The following POLR2J variants were observed in gnomAD, a reference collection of about 807,000 sequenced individuals.
POLR2J encodes RNA polymerase II subunit J.
In POLR2J, 12 loss-of-function variants were observed where a neutral mutation model predicts 13.4. The observed-to-expected ratio is 0.90, with a 90% CI of 0.57 to 1.45. The LOEUF is 1.45. Among genes scored for constraint, POLR2J ranks in the 40% most tolerant of loss-of-function variants. POLR2J has a pLI of 0.00. For synonymous variants in POLR2J, 31 were observed against 53.6 expected (o/e 0.58, Z 1.84); for missense variants, 58 against 132.0 (o/e 0.44, Z 2.75).
In POLR2J at chr7:102,473,606, G is replaced by A. The variant is rs772715314; in HGVS notation, c.*43C>T. ...ACCTGGAGCGGAGGGTCAGGCACAGGTAGGAACGGGGCTCACAGGCCGAGC... is the reference window on the plus strand; with the variant it reads ...ACCTGGAGCGGAGGGTCAGGCACAGATAGGAACGGGGCTCACAGGCCGAGC... On this transcript the variant is annotated 3_prime_UTR_variant, in exon 4 of 4. Coordinates refer to ENST00000292614, the MANE Select transcript of POLR2J (RefSeq NM_006234.6). The A allele has an allele frequency of 2.9e-5, 47 of 1,612,162 alleles. 1 individual carries two copies. Among genetic ancestry groups the A allele is most frequent in the East Asian group, 2.9e-4 (13 of 44,848 alleles).
Position 102,474,253 on chromosome 7 carries a change from C to T in POLR2J, c.318+108G>A, listed in dbSNP as rs540089468. 53 of 1,603,480 alleles carry T rather than the reference C, an allele frequency of 3.3e-5. No homozygotes were observed. In the East Asian group the frequency reaches 5.2e-4, roughly 16 times the overall value. ...GAAGTCCCTGCTCTTCCATCACTGC[C>T]GCCTCTCCCCCAGGACCTCCGAAGA... On this transcript the variant is annotated intron_variant, in intron 3 of 3. Coordinates refer to ENST00000292614, the MANE Select transcript of POLR2J (RefSeq NM_006234.6).
chr7:102,473,394 C>T lies in POLR2J; in HGVS notation c.*255G>A, dbSNP rs1131384. The T allele has an allele frequency of 0.065, 37,065 of 570,096 alleles. 1,360 individuals carry two copies. Among genetic ancestry groups the T allele is most frequent in the Non-Finnish European group, 0.076 (25,897 of 340,738 alleles). 35.3% of individuals were successfully genotyped at this position (570,096 alleles called of 1,614,324 possible). A position where few individuals can be genotyped will look rare whatever the true frequency, so the allele number is the denominator to read the frequency against. On this transcript the variant is annotated 3_prime_UTR_variant, in exon 4 of 4. Transcript: ENST00000292614. ...GGACGCCCCTGAAACAGGTCATCTG[C>T]CTGCATCAAGCCTGACAATCCATTT...
Position 102,473,492 on chromosome 7 carries a change from T to G in POLR2J, c.*157A>C. The G allele has an allele frequency of 2.2e-6, 2 of 911,468 alleles. No individual in the cohort carries two copies. The allele number at this position is 911,468 out of a possible 1,614,324, so 56.5% of individuals were successfully genotyped here. ...TATACTTTATTAGGAATATAAAACC[T>G]AATCTATGTACAGGACACGTCGGTG... On this transcript the variant is annotated 3_prime_UTR_variant, in exon 4 of 4. Coordinates refer to ENST00000292614, the MANE Select transcript of POLR2J (RefSeq NM_006234.6).
chr7:102,473,584 TGGAGC>T lies in POLR2J; in HGVS notation c.*60_*64del. On this transcript the variant is annotated 3_prime_UTR_variant, in exon 4 of 4. Coordinates refer to ENST00000292614, the MANE Select transcript of POLR2J (RefSeq NM_006234.6). The stretch of plus-strand genomic sequence containing the variant: ...CGGCCGCTCTCCTCGGTGTGGTACC[TGGAGC>T]GGAGGGTCAGGCACAGGTAGGAACG... The T allele has an allele frequency of 1.3e-6, 2 of 1,539,436 alleles. No individual in the cohort carries two copies. The highest frequency in any genetic ancestry group is 2.4e-5 in the South Asian group (2 of 84,034).
intron 1 of POLR2J, 24 bp from the exon 2 acceptor site, chr7:102,476,294 AT>A (rs1164037085): frequency 1.5e-6 from 1 of 669,016 alleles, no homozygotes; most frequent in African/African-American, 2.0e-5. Flanking sequence ...GAGGCCACAG[AT>A]GAGGAGCAGG....
At chr7:102,478,586 C>A (rs1180364263) in intron 1 of POLR2J, among the ~76,000 whole-genome samples, 1 of 151,420 alleles carries the variant, frequency 6.6e-6, no homozygotes, top group African/African-American at 2.4e-5. Flanking sequence ...CTTCCTGTGT[C>A]CGGGGCAACT....
At chr7:102,478,044 C>T (rs1798475661) in intron 1 of POLR2J, among the ~76,000 whole-genome samples, 1 of 87,356 alleles carries the variant, frequency 1.1e-5, no homozygotes, top group Admixed American at 1.5e-4. Flanking sequence ...AGTGCAATGG[C>T]GTGATCTCCG....
At chr7:102,473,713 AGCTGGAACAGCTGGGGCAAGGAC>A in intron 3 of POLR2J, 29 bp from the exon 4 acceptor site, 4 of 1,613,308 alleles carry the variant, frequency 2.5e-6, no homozygotes, top group Non-Finnish European at 2.5e-6. Flanking sequence ...GTGGAGACTG[AGCTGGAACAGCTGGGGCAAGGAC>A]GCTGGAAACA....
chr7:102,473,643 T>C lies in POLR2J; in HGVS notation c.*6A>G, dbSNP rs1131359. On this transcript the variant is annotated 3_prime_UTR_variant, in exon 4 of 4. Coordinates refer to ENST00000292614, the MANE Select transcript of POLR2J (RefSeq NM_006234.6). ...CTCACAGGCCGAGCAGAGCCCCCTC[T>C]GGCCCCTACTCAATTCCTTCCTGCT... 0.029 allele frequency: 45,939 copies of C among 1,600,934 alleles called. 843 individuals are homozygous for C. Among genetic ancestry groups the C allele is most frequent in the Middle Eastern group, 0.079 (479 of 6,036 alleles).
chr7:102,478,586 C>T (rs1180364263), intron 1 of POLR2J, among the ~76,000 whole-genome samples: 1 of 151,420 alleles, frequency 6.6e-6, no homozygotes, highest in East Asian at 2.0e-4. Context: ...CTTCCTGTGT[C>T]CGGGGCAACT....
Position 102,473,285 on chromosome 7 carries a change from C to T in POLR2J, c.*364G>A, listed in dbSNP as rs1325929109. 1 of 598,134 alleles carries T rather than the reference C, an allele frequency of 1.7e-6. No individual in the cohort carries two copies. The highest frequency in any genetic ancestry group is 2.3e-5 in the South Asian group (1 of 43,704). 37.1% of individuals were successfully genotyped at this position (598,134 alleles called of 1,614,324 possible). On this transcript the variant is annotated 3_prime_UTR_variant, in exon 4 of 4. Transcript: ENST00000292614. ...ACTCTTGGGAGCTCATGGGTTTGCA[C>T]ACTTCTCTCCGGCTCAGCACAGCCC...
At position 102,473,445 on chromosome 7, in the gene POLR2J, T is replaced by TCCACATCCAG. The variant is rs1311823284; in HGVS notation, c.*194_*203dup. 1 of 698,350 alleles carries TCCACATCCAG rather than the reference T, an allele frequency of 1.4e-6. No homozygotes were observed. The highest frequency in any genetic ancestry group is 2.2e-6 in the Non-Finnish European group (1 of 460,130). The allele number at this position is 698,350 out of a possible 1,614,324, so 43.3% of individuals were successfully genotyped here. On this transcript the variant is annotated 3_prime_UTR_variant, in exon 4 of 4. Coordinates refer to ENST00000292614, the MANE Select transcript of POLR2J (RefSeq NM_006234.6). ...GCTTGCGAAGTCACCGCTGCTCAAG[T>TCCACATCCAG]CCACATCCAGGTCTCTCCCGCTATA...
chr7:102,478,897 G>T lies in POLR2J; in HGVS notation c.-37C>A. The T allele has an allele frequency of 6.9e-7, 1 of 1,459,396 alleles. No individual in the cohort carries two copies. The allele number at this position is 1,459,396 out of a possible 1,614,324, so 90.4% of individuals were successfully genotyped here. ...CGTTGCGTCCAGACCCCAAGGGTCCGCCGCCGCCGCCACCAGAGCCCTAAT... is the reference window on the plus strand; with the variant it reads ...CGTTGCGTCCAGACCCCAAGGGTCCTCCGCCGCCGCCACCAGAGCCCTAAT... On this transcript the variant is annotated 5_prime_UTR_variant, in exon 1 of 4. Transcript: ENST00000292614.
Position 102,473,566 on chromosome 7 carries a change from T to C in POLR2J, c.*83A>G. On this transcript the variant is annotated 3_prime_UTR_variant, in exon 4 of 4. Transcript: ENST00000292614. ...GCGGGCCATGGCTGGGACCGGCCGC[T>C]CTCCTCGGTGTGGTACCTGGAGCGG... 7.2e-7 allele frequency: 1 copy of C among 1,391,632 alleles called. No homozygotes were observed. Among genetic ancestry groups the C allele is most frequent in the Non-Finnish European group, 9.3e-7 (1 of 1,079,228 alleles). The allele number at this position is 1,391,632 out of a possible 1,614,324, so 86.2% of individuals were successfully genotyped here.
rs1206414450 is a variant in POLR2J, at chr7:102,473,216, TTGAC to T, written c.*429_*432del. 6 of 829,942 alleles carry T rather than the reference TTGAC, an allele frequency of 7.2e-6. No homozygotes were observed. Among genetic ancestry groups the T allele is most frequent in the African/African-American group, 1.7e-5 (1 of 57,934 alleles). 51.4% of individuals were successfully genotyped at this position (829,942 alleles called of 1,614,324 possible). A position where few individuals can be genotyped will look rare whatever the true frequency, so the allele number is the denominator to read the frequency against. ...TTATGCAGGAAGAAGTGTTCCTGCT[TTGAC>T]TGACAGGCAGGCCCAGGAGTTGAGG... On this transcript the variant is annotated 3_prime_UTR_variant, in exon 4 of 4. Transcript: ENST00000292614.
At position 102,474,752 on chromosome 7, in the gene POLR2J, C is replaced by T. The variant is rs561750336; in HGVS notation, c.144-217G>A. ...ACTCTGCATCCATGAGGTTGAAGGA[C>T]CCGAGCTGGAAACAGATTCCAGCAA... On this transcript the variant is annotated intron_variant, in intron 2 of 3. Coordinates refer to ENST00000292614, the MANE Select transcript of POLR2J (RefSeq NM_006234.6). Among the ~76,000 whole-genome samples the T allele has an allele frequency of 1.8e-4, 21 of 116,824 alleles. 2 individuals carry two copies. Among genetic ancestry groups the T allele is most frequent in the Non-Finnish European group, 3.5e-4 (17 of 47,914 alleles). The allele number at this position is 116,824 out of a possible 152,430, so 76.6% of individuals were successfully genotyped here. A position where few individuals can be genotyped will look rare whatever the true frequency, so the allele number is the denominator to read the frequency against.
At position 102,474,385 on chromosome 7, in the gene POLR2J, C is replaced by A. The variant is rs1798353679; in HGVS notation, c.294G>T (p.Leu98=). 1 of 1,611,738 alleles carries A rather than the reference C, an allele frequency of 6.2e-7. No homozygotes were observed. The highest frequency in any genetic ancestry group is 1.1e-5 in the South Asian group (1 of 90,960). The change falls in exon 3 of 4, where the codon CTG becomes CTT. Residue 98 remains leucine, a synonymous_variant. Coordinates refer to ENST00000292614, the MANE Select transcript of POLR2J (RefSeq NM_006234.6). ...CCCGAAAGCGCTCCTCCAGCAGGGA[C>A]AGCTCACTGATGAGGTCGGTGATGG... The part of the protein sequence containing the change: ...TNAITDLISE[L]SLLEERFRVA...
At chr7:102,473,980 G>A (rs1197402519) in intron 3 of POLR2J, 34 of 1,433,922 alleles carry the variant, frequency 2.4e-5, no homozygotes, top group South Asian at 3.0e-5. Flanking sequence ...ATTCCCATGC[G>A]CCCTGCCAGG....
intron 3 of POLR2J, 137 bp downstream of exon 3, chr7:102,474,224 G>A: frequency 8.9e-6 from 14 of 1,569,928 alleles, no homozygotes; most frequent in Non-Finnish European, 1.2e-5. Context: ...TGGAGCCTGT[G>A]GTGGAAGTCC....
Sources: gnomAD v4.1 joint callset for allele counts (sites outside exome capture counted in the v4.1 genomes callset) on GRCh38, gnomAD v4.1.1 for gene constraint, MANE v1.5 for transcripts, NCBI Gene and HGNC (gene_info 2026-07-23, HGNC 2026-07-21) for gene names.